The following MSI2 variants were observed in gnomAD, a reference collection of about 807,000 sequenced individuals.
MSI2 encodes musashi RNA binding protein 2.
A neutral mutation model predicts 45.6 loss-of-function variants in MSI2; 17 were observed. The observed-to-expected ratio is 0.37, with a 90% CI of 0.26 to 0.56. The LOEUF is 0.56. MSI2 is among the 20% of genes least tolerant of loss of function. The pLI, the probability that MSI2 is intolerant of heterozygous loss-of-function variation, is 0.77. For missense variants in MSI2, 293 were observed against 444.2 expected (o/e 0.66, Z 3.06); for synonymous variants, 156 against 158.2 (o/e 0.99, Z 0.11).
At chr17:57,317,065 A>G (rs1484539984) in intron 5 of MSI2, among the ~76,000 whole-genome samples, 3 of 152,112 alleles carry the variant, frequency 2.0e-5, no homozygotes, top group Non-Finnish European at 4.4e-5. Flanking sequence ...GGCCCTGTCA[A>G]TAGTTAAGAT....
Position 57,683,383 on chromosome 17 carries a change from G to A in MSI2, c.*3866G>A. On this transcript the variant is annotated 3_prime_UTR_variant, in exon 14 of 14. Transcript: ENST00000284073. This position sits in a 1 kb window ranked among gnomAD's most constrained non-coding sequence, Gnocchi z 5.2. ...TTTTTGGGGAAAAAATTTATTTTTG[G>A]TTCCAAATAGAAAAACAAAACCTAT... 1 of 229,478 alleles carries A rather than the reference G, an allele frequency of 4.4e-6. No homozygotes were observed. Among genetic ancestry groups the A allele is most frequent in the Middle Eastern group, 1.3e-3 (1 of 774 alleles). The allele number at this position is 229,478 out of a possible 1,614,324, so 14.2% of individuals were successfully genotyped here.
chr17:57,633,517 G>GC (rs1909593043), intron 10 of MSI2, among the ~76,000 whole-genome samples: 1 of 152,224 alleles, frequency 6.6e-6, no homozygotes, highest in Non-Finnish European at 1.5e-5. Context: ...AGGTGTGTGC[G>GC]CCGTCTTACC....
intron 6 of MSI2, among the ~76,000 whole-genome samples, chr17:57,515,837 T>C (rs1001421081): frequency 2.6e-5 from 4 of 152,226 alleles, no homozygotes; most frequent in Admixed American, 6.5e-5. Flanking sequence ...GTTGTTTGTA[T>C]TATAAACAGA....
chr17:57,691,872 A>T, the MSI2 span, among the ~76,000 whole-genome samples: 2 of 152,154 alleles, frequency 1.3e-5, no homozygotes, highest in African/African-American at 4.8e-5. Flanking sequence ...TACAATGTTG[A>T]ACAAGAATGT....
chr17:57,511,943 A>G (rs1448155819), intron 6 of MSI2, among the ~76,000 whole-genome samples: 1 of 151,884 alleles, frequency 6.6e-6, no homozygotes, highest in African/African-American at 2.4e-5. Context: ...AGACACACAC[A>G]CCTGCTGCTC....
intron 6 of MSI2, among the ~76,000 whole-genome samples, chr17:57,446,390 G>A (rs924978163): frequency 6.6e-5 from 10 of 152,144 alleles, no homozygotes; most frequent in African/African-American, 2.4e-4. Flanking sequence ...GGGGATGGTC[G>A]GAAGGAAGAA....
rs562220729 is a variant in MSI2 at position 57,351,809 on chromosome 17, C to T, written c.313-49570C>T. 1.1e-3 allele frequency among the ~76,000 whole-genome samples: 174 copies of T among 152,324 alleles called. 1 individual carries two copies. The highest frequency in any genetic ancestry group is 4.1e-3 in the African/African-American group (171 of 41,564). On this transcript the variant is annotated intron_variant, in intron 5 of 13. Coordinates refer to ENST00000284073, the MANE Select transcript of MSI2 (RefSeq NM_138962.4). ...AGGCAAGTTTGCAATGAGCCGAGAT[C>T]GTGCCACTGCACTCCAGCCTTGACA...
intron 6 of MSI2, among the ~76,000 whole-genome samples, chr17:57,441,804 C>G (rs1229798681): frequency 6.6e-6 from 1 of 152,188 alleles, no homozygotes; most frequent in Non-Finnish European, 1.5e-5. Flanking sequence ...TGTTGCCTGG[C>G]ACACAGTAGG....
chr17:57,512,143 C>T (rs779537112), intron 6 of MSI2, among the ~76,000 whole-genome samples: 1 of 152,200 alleles, frequency 6.6e-6, no homozygotes, highest in Non-Finnish European at 1.5e-5. Context: ...GCCTGCACAG[C>T]CTAGAGCACT....
chr17:57,640,497 A>C (rs1490479043), intron 10 of MSI2, among the ~76,000 whole-genome samples: 1 of 152,238 alleles, frequency 6.6e-6, no homozygotes, highest in Non-Finnish European at 1.5e-5. Context: ...AATAAATGTT[A>C]TTATTCCACT....
At chr17:57,377,982 G>C (rs1337260894) in intron 5 of MSI2, among the ~76,000 whole-genome samples, 3 of 151,960 alleles carry the variant, frequency 2.0e-5, no homozygotes, top group Non-Finnish European at 2.9e-5. Flanking sequence ...GGCTGAGGCA[G>C]GAGAACGGCG....
chr17:57,331,538 G>C (rs1914277369), intron 5 of MSI2, among the ~76,000 whole-genome samples: 1 of 152,210 alleles, frequency 6.6e-6, no homozygotes. Flanking sequence ...AATAGCTGCT[G>C]TTTTCCTTCT....
chr17:57,402,619 C>T (rs2084014236), intron 6 of MSI2, among the ~76,000 whole-genome samples: 1 of 152,206 alleles, frequency 6.6e-6, no homozygotes. Flanking sequence ...CCAGGTGTGT[C>T]TGTTTGTGAA....
chr17:57,363,594 C>G (rs1247036507), intron 5 of MSI2, among the ~76,000 whole-genome samples: 2 of 152,114 alleles, frequency 1.3e-5, no homozygotes, highest in Non-Finnish European at 2.9e-5. Flanking sequence ...AAGAAATTAG[C>G]TGGGTGTGGT....
chr17:57,487,403 C>G (rs536140540), intron 6 of MSI2, among the ~76,000 whole-genome samples: 2 of 152,280 alleles, frequency 1.3e-5, no homozygotes, highest in East Asian at 3.9e-4. Context: ...ATCAGTCTTT[C>G]TATTGCACCC....
intron 8 of MSI2, among the ~76,000 whole-genome samples, chr17:57,597,433 C>T (rs571610156): frequency 2.2e-5 from 3 of 136,840 alleles, no homozygotes; most frequent in South Asian, 4.6e-4. Flanking sequence ...GAGTTCGAGA[C>T]GAGCCTGGGA....
chr17:57,303,544 G>C (rs1911601662), intron 5 of MSI2, among the ~76,000 whole-genome samples: 1 of 152,192 alleles, frequency 6.6e-6, no homozygotes, highest in African/African-American at 2.4e-5. Context: ...AAAAATAATA[G>C]TTGATTTCAT....
At chr17:57,392,510 C>T (rs566544664) in intron 5 of MSI2, among the ~76,000 whole-genome samples, 9 of 152,178 alleles carry the variant, frequency 5.9e-5, no homozygotes, top group Non-Finnish European at 1.0e-4. Context: ...TCCATATAGG[C>T]GAGGGCTATT....
At chr17:57,645,354 TG>T (rs1910577152) in intron 10 of MSI2, among the ~76,000 whole-genome samples, 1 of 152,198 alleles carries the variant, frequency 6.6e-6, no homozygotes, top group Non-Finnish European at 1.5e-5. Flanking sequence ...GCTGGCAGAC[TG>T]AAGATGTGTG....
Sources: gnomAD v4.1 joint callset for allele counts (sites outside exome capture counted in the v4.1 genomes callset) on GRCh38, gnomAD v4.1.1 for gene constraint, Gnocchi (gnomAD v3.1) non-coding constraint, MANE v1.5 for transcripts, NCBI Gene and HGNC (gene_info 2026-07-23, HGNC 2026-07-21) for gene names.